PRR5: variants seen among roughly 807,000 people sequenced by gnomAD.
PRR5 encodes the protein proline-rich protein 5.
In PRR5, 25 loss-of-function variants were observed where a neutral mutation model predicts 30.6. That is an observed-to-expected ratio of 0.82 (90% CI 0.60 to 1.14). The LOEUF is 1.14. Ranked by LOEUF, PRR5 falls within the 50% of genes most tolerant of loss-of-function variation. The pLI is 0.00. For missense variants in PRR5, 600 were observed against 547.1 expected (o/e 1.10, Z -0.96); for synonymous variants, 286 against 247.1 (o/e 1.16, Z -1.48).
intron 2 of PRR5, among the ~76,000 whole-genome samples, chr22:44,720,515 C>T (rs1247847251): frequency 2.0e-5 from 3 of 152,178 alleles, no homozygotes; most frequent in African/African-American, 7.2e-5. Context: ...AGGGGTCTCA[C>T]AGGTCAGGAA....
At chr22:44,723,799 T>G (rs1331352962) in intron 2 of PRR5, among the ~76,000 whole-genome samples, 2 of 152,230 alleles carry the variant, frequency 1.3e-5, no homozygotes, top group Non-Finnish European at 2.9e-5. Flanking sequence ...TGATCATTTT[T>G]CATTGATGTG....
intron 2 of PRR5, among the ~76,000 whole-genome samples, chr22:44,716,040 C>T (rs1228091600): frequency 6.6e-6 from 1 of 152,202 alleles, no homozygotes; most frequent in Admixed American, 6.5e-5. Context: ...ATCCTTCTCC[C>T]CTGCCCTCCT....
At chr22:44,674,305 T>C (rs937425312), upstream of PRR5, among the ~76,000 whole-genome samples, 3 of 152,276 alleles carry the variant, frequency 2.0e-5, no homozygotes, top group East Asian at 5.8e-4. Context: ...TTTGGTTTTT[T>C]GGGTTTATTT....
intron 1 of PRR5, among the ~76,000 whole-genome samples, chr22:44,710,282 T>C (rs1022732281): frequency 1.0e-5 from 1 of 96,604 alleles, no homozygotes; most frequent in African/African-American, 3.5e-5. Flanking sequence ...CTCCCTCACC[T>C]GCACCCCCCC....
chr22:44,670,202 A>G (rs1923345789), intron 1 of PRR5, among the ~76,000 whole-genome samples: 1 of 152,210 alleles, frequency 6.6e-6, no homozygotes, highest in Non-Finnish European at 1.5e-5. Context: ...CCTGGCGTCT[A>G]CAACTTTGCT....
chr22:44,717,618 T>C (rs1037325760), intron 2 of PRR5, among the ~76,000 whole-genome samples: 16 of 152,018 alleles, frequency 1.1e-4, no homozygotes, highest in Non-Finnish European at 2.2e-4. Context: ...ACATTCCATA[T>C]CAATGGAGGT....
chr22:44,704,342 G>C (rs1333138572), intron 1 of PRR5, among the ~76,000 whole-genome samples: 2 of 152,152 alleles, frequency 1.3e-5, no homozygotes, highest in Admixed American at 6.5e-5. Context: ...TCCCCAGACA[G>C]GTGGGGGCAC....
upstream of PRR5, among the ~76,000 whole-genome samples, chr22:44,698,021 C>T (rs1925919544): frequency 2.0e-5 from 3 of 152,192 alleles, no homozygotes; most frequent in African/African-American, 7.2e-5. Context: ...AACTCAGAGT[C>T]CCGGGTTCAT....
At chr22:44,708,833 G>T (rs1327571446) in intron 1 of PRR5, among the ~76,000 whole-genome samples, 2 of 151,930 alleles carry the variant, frequency 1.3e-5, no homozygotes, top group East Asian at 1.9e-4. Flanking sequence ...CCAGCGTGGT[G>T]GTGGGCGCCT....
chr22:44,706,293 T>A (rs1443561946), intron 1 of PRR5, among the ~76,000 whole-genome samples: 1 of 152,216 alleles, frequency 6.6e-6, no homozygotes, highest in Non-Finnish European at 1.5e-5. Flanking sequence ...ATTCATTCAT[T>A]CATTGACTGT....
At chr22:44,711,194 C>T (rs533872122) in intron 1 of PRR5, among the ~76,000 whole-genome samples, 97 of 152,248 alleles carry the variant, frequency 6.4e-4, no homozygotes, top group African/African-American at 2.0e-3. Context: ...TTGCTCTGTG[C>T]GGCCAGAGTG....
At chr22:44,676,556 G>A (rs369958448), upstream of PRR5, among the ~76,000 whole-genome samples, 5 of 152,118 alleles carry the variant, frequency 3.3e-5, no homozygotes, top group African/African-American at 1.2e-4. Flanking sequence ...ATGGCCCTGG[G>A]CCAGCAGGAT....
At chr22:44,705,312 C>T (rs180730975) in intron 1 of PRR5, among the ~76,000 whole-genome samples, 1 of 152,168 alleles carries the variant, frequency 6.6e-6, no homozygotes, top group African/African-American at 2.4e-5. Context: ...ATCTCCCTCT[C>T]CTTTCTCTCT....
chr22:44,714,095 G>A (rs567547145), intron 1 of PRR5, among the ~76,000 whole-genome samples: 5 of 150,864 alleles, frequency 3.3e-5, no homozygotes, highest in East Asian at 2.0e-4. Context: ...GAGCCACCGC[G>A]CCCGGCAGCC....
chr22:44,671,054 A>G (rs1923398146), intron 1 of PRR5, among the ~76,000 whole-genome samples: 1 of 152,170 alleles, frequency 6.6e-6, no homozygotes, highest in Admixed American at 6.5e-5. Flanking sequence ...GCCCCTCAAG[A>G]TAGAAAAACC....
chr22:44,692,826 G>A (rs892491461), intron 1 of PRR5, among the ~76,000 whole-genome samples: 3 of 152,232 alleles, frequency 2.0e-5, no homozygotes, highest in Non-Finnish European at 2.9e-5. Context: ...CTGCCTGGCA[G>A]GGCGGCTGCA....
At chr22:44,676,872 G>C (rs1923810138), upstream of PRR5, 1 of 152,228 alleles carries the variant, frequency 6.6e-6, no homozygotes, top group South Asian at 2.1e-4. Context: ...TCTGTGAGCA[G>C]TGATAAAATA....
chr22:44,680,263 A>G (rs1024813012), intron 1 of PRR5, among the ~76,000 whole-genome samples: 1 of 152,108 alleles, frequency 6.6e-6, no homozygotes, highest in Non-Finnish European at 1.5e-5. Context: ...AGTCTCAGAT[A>G]CTTCATCTTT....
At chr22:44,683,412 C>T (rs1026352202) in intron 1 of PRR5, among the ~76,000 whole-genome samples, 2 of 152,250 alleles carry the variant, frequency 1.3e-5, no homozygotes, top group Non-Finnish European at 2.9e-5. Context: ...CCTTGGCCCC[C>T]ACCCCATCTG....
Sources: gnomAD v4.1 joint callset for allele counts (sites outside exome capture counted in the v4.1 genomes callset) on GRCh38, gnomAD v4.1.1 for gene constraint, MANE v1.5 for transcripts, NCBI Gene and HGNC (gene_info 2026-07-23, HGNC 2026-07-21) for gene names.